Variants in ZNF491 observed in about 807,000 individuals in gnomAD.
ZNF491 encodes the protein zinc finger protein 491.
ZNF491 carries 22 observed loss-of-function variants against 34.7 expected under a neutral mutation model. The observed-to-expected ratio is 0.63, with a 90% CI of 0.45 to 0.90. The LOEUF (loss-of-function observed/expected upper bound fraction) is 0.90. Ranked by LOEUF, ZNF491 falls within the 40% of genes least tolerant of loss-of-function variation. The pLI is 0.00. For missense variants in ZNF491, 559 were observed against 531.7 expected (o/e 1.05, Z -0.51); for synonymous variants, 148 against 174.3 (o/e 0.85, Z 1.19).
chr19:11,806,076 A>G lies in ZNF491; in HGVS notation c.123A>G (p.Thr41=), dbSNP rs1432926684. The change falls in exon 3 of 3, where the codon ACA becomes ACG. Residue 41 remains threonine (T), a synonymous_variant. Coordinates refer to ENST00000323169, the MANE Select transcript of ZNF491 (RefSeq NM_152356.4). ...LPGVKSCESG[T]CGEIFMGYSS... Reference sequence around the variant, plus strand: ...GAGTAAAATCATGTGAAAGTGGTACATGTGGAGAAATCTTCATGGGATATT... The same window carrying G: ...GAGTAAAATCATGTGAAAGTGGTACGTGTGGAGAAATCTTCATGGGATATT... The G allele has an allele frequency of 2.5e-6, 4 of 1,613,886 alleles. No individual in the cohort carries two copies. Among genetic ancestry groups the G allele is most frequent in the African/African-American group, 2.7e-5 (2 of 74,940 alleles).
chr19:11,800,973 G>A (rs539555979), intron 1 of ZNF491, among the ~76,000 whole-genome samples: 1 of 152,034 alleles, frequency 6.6e-6, no homozygotes, highest in Admixed American at 6.5e-5. Context: ...GAAGATCCAA[G>A]GCTGCAGTGA....
At chr19:11,801,693 A>T (rs1271816315) in intron 1 of ZNF491, among the ~76,000 whole-genome samples, 2 of 152,188 alleles carry the variant, frequency 1.3e-5, no homozygotes, top group Non-Finnish European at 2.9e-5. Flanking sequence ...AAAAACCTTA[A>T]AAATTTTACT....
Position 11,805,960 on chromosome 19 carries a change from G to A in ZNF491, c.7G>A (p.Glu3Lys). MG[E>K]RLFESAEGSQ... ...CATTTTTCACAGAAATTTTATGGGAGAGAGACTCTTTGAGAGTGCAGAAGG... is the reference window on the plus strand; with the variant it reads ...CATTTTTCACAGAAATTTTATGGGAAAGAGACTCTTTGAGAGTGCAGAAGG... The change falls in exon 3 of 3, where the codon GAG becomes AAG. Residue 3 changes from glutamate to lysine, a missense_variant. Coordinates refer to ENST00000323169, the MANE Select transcript of ZNF491 (RefSeq NM_152356.4). 1 of 1,565,168 alleles carries A rather than the reference G, an allele frequency of 6.4e-7. No homozygotes were observed.
At position 11,806,643 on chromosome 19, in the gene ZNF491, T is replaced by C. The variant is rs1477276317; in HGVS notation, c.690T>C (p.Phe230=). Residue 230 remains phenylalanine, a synonymous_variant, in exon 3 of 3, where the codon TTT becomes TTC. Coordinates refer to ENST00000323169, the MANE Select transcript of ZNF491 (RefSeq NM_152356.4). ...CGKAFNCPSS[F]HRHERTHTGE... ...AAGCCTTCAATTGTCCCAGTTCTTT[T>C]CACAGGCATGAAAGGACTCACACAG... is the stretch of plus-strand genomic sequence containing the variant. 6.2e-7 allele frequency: 1 copy of C among 1,613,682 alleles called. No individual in the cohort carries two copies. The highest frequency in any genetic ancestry group is 8.5e-7 in the Non-Finnish European group (1 of 1,179,902).
Position 11,806,258 on chromosome 19 carries a change from C to T in ZNF491, c.305C>T (p.Pro102Leu). The T allele has an allele frequency of 1.9e-6, 3 of 1,607,958 alleles. No homozygotes were observed. The highest frequency in any genetic ancestry group is 2.5e-6 in the Non-Finnish European group (3 of 1,178,502). ...THERPHTREK[P>L]FDCKECEKSF... is the part of the protein sequence containing the mutation. Reference sequence around the variant, plus strand: ...GAAAGGCCTCACACTAGAGAGAAACCTTTTGATTGTAAGGAATGTGAAAAA... The same window carrying T: ...GAAAGGCCTCACACTAGAGAGAAACTTTTTGATTGTAAGGAATGTGAAAAA... Residue 102 changes from proline (P) to leucine (L), a missense_variant, in exon 3 of 3, where the codon CCT (proline) becomes CTT (leucine). Pro to Leu is a moderately conservative substitution (Grantham distance 98). Coordinates refer to ENST00000323169, the MANE Select transcript of ZNF491 (RefSeq NM_152356.4).
In ZNF491 at chr19:11,806,536, T is replaced by C. The variant is rs748988668; in HGVS notation, c.583T>C (p.Ser195Pro). The C allele has an allele frequency of 6.2e-7, 1 of 1,613,228 alleles. No individual in the cohort carries two copies. The highest frequency in any genetic ancestry group is 8.5e-7 in the Non-Finnish European group (1 of 1,179,798). The change falls in exon 3 of 3, where the codon TCA (serine) becomes CCA (proline). Residue 195 changes from serine to proline, a missense_variant. Coordinates refer to ENST00000323169, the MANE Select transcript of ZNF491 (RefSeq NM_152356.4). ...ATATGAATGTAAGGAGTGTGGGAAA[T>C]CATTCAATTTTTCCAGTTCCTTTCG... Reference protein sequence around the residue: ...KPYECKECGKSFNFSSSFRRH... With the variant: ...KPYECKECGKPFNFSSSFRRH...
Position 11,798,769 on chromosome 19 carries a change from C to T in ZNF491, c.-134+42C>T, listed in dbSNP as rs925964908. ...AGCGTCCAGATACGTGGAAGAGGGGCTGGGTGGAACCAACAGGATCCTGCT... is the reference window on the plus strand; with the variant it reads ...AGCGTCCAGATACGTGGAAGAGGGGTTGGGTGGAACCAACAGGATCCTGCT... On this transcript the variant is annotated intron_variant, in intron 1 of 2. Transcript: ENST00000323169. The surrounding 1 kb of genome is among the most constrained non-coding windows in gnomAD (Gnocchi z 4.0). 1 of 152,366 alleles carries T rather than the reference C, an allele frequency of 6.6e-6. No individual in the cohort carries two copies. Among genetic ancestry groups the T allele is most frequent in the Non-Finnish European group, 1.5e-5 (1 of 68,144 alleles). 9.4% of individuals were successfully genotyped at this position (152,366 alleles called of 1,614,324 possible).
chr19:11,800,529 T>C (rs539084122), intron 1 of ZNF491, among the ~76,000 whole-genome samples: 1 of 150,372 alleles, frequency 6.7e-6, no homozygotes, highest in East Asian at 2.0e-4. Context: ...TTTTTTTTTT[T>C]TTTTTTTGAG....
intron 1 of ZNF491, among the ~76,000 whole-genome samples, chr19:11,803,157 A>AT (rs1975574059): frequency 6.6e-6 from 1 of 151,572 alleles, no homozygotes; most frequent in Admixed American, 6.6e-5. Flanking sequence ...TAATTTTTGT[A>AT]TTTTTAGTAG....
intron 1 of ZNF491, among the ~76,000 whole-genome samples, chr19:11,799,502 C>CTT (rs34472985): frequency 0.29 from 31,435 of 108,816 alleles, 6,785 homozygotes; most frequent in African/African-American, 0.61. Flanking sequence ...CCCCATAGAG[C>CTT]TTTTTTTTTT....
rs767558766 is a variant in ZNF491 at position 11,807,109 on chromosome 19, A to G, written c.1156A>G (p.Lys386Glu). 6.2e-7 allele frequency: 1 copy of G among 1,612,068 alleles called. No homozygotes were observed. The change falls in exon 3 of 3, where the codon AAG becomes GAG. Residue 386 changes from lysine to glutamate, a missense_variant. Physicochemically the swap from Lys to Glu is moderately conservative, Grantham distance 56. Transcript: ENST00000323169. ...CGCTGGAGAAAAACCTTATGAATGT[A>G]AGCATTGTGGGAAAGCCTTCACTTG... ...THAGEKPYECKHCGKAFTCSI... is the reference protein window; with the variant it reads ...THAGEKPYECEHCGKAFTCSI...
At chr19:11,804,992 A>G (rs1374718404) in intron 2 of ZNF491, among the ~76,000 whole-genome samples, 4 of 152,264 alleles carry the variant, frequency 2.6e-5, no homozygotes, top group Non-Finnish European at 4.4e-5. Flanking sequence ...GTTAAAAAGA[A>G]GCCAACAAAA....
Position 11,806,608 on chromosome 19 carries a change from G to A in ZNF491, c.655G>A (p.Glu219Lys). The change falls in exon 3 of 3, where the codon GAA becomes AAA. Residue 219 changes from glutamate (E) to lysine (K), a missense_variant. By Grantham distance (56) the Glu-to-Lys change is moderately conservative. Coordinates refer to ENST00000323169, the MANE Select transcript of ZNF491 (RefSeq NM_152356.4). ...HTGEKPYKCK[E>K]CGKAFNCPSS... is the part of the protein sequence containing the mutation. ...AGGAGAGAAGCCGTACAAATGTAAG[G>A]AATGTGGGAAAGCCTTCAATTGTCC... 6.2e-7 allele frequency: 1 copy of A among 1,613,958 alleles called. No homozygotes were observed. The highest frequency in any genetic ancestry group is 8.5e-7 in the Non-Finnish European group (1 of 1,179,982).
At chr19:11,803,566 A>G (rs537478124) in intron 1 of ZNF491, among the ~76,000 whole-genome samples, 2 of 152,190 alleles carry the variant, frequency 1.3e-5, no homozygotes, top group South Asian at 4.1e-4. Flanking sequence ...ACAATTTCTC[A>G]GTCTTCCCTT....
chr19:11,805,741 G>A (rs1975602678), intron 2 of ZNF491, among the ~76,000 whole-genome samples: 1 of 152,102 alleles, frequency 6.6e-6, no homozygotes, highest in African/African-American at 2.4e-5. Context: ...AACTTTCTGG[G>A]GAGTCTGAGG....
chr19:11,800,810 C>A (rs1270817374), intron 1 of ZNF491, among the ~76,000 whole-genome samples: 1 of 151,272 alleles, frequency 6.6e-6, no homozygotes. Context: ...ATTGCTTGAG[C>A]CTAGGAGTTC....
rs952705925 is a variant in ZNF491 at position 11,804,583 on chromosome 19, G to C, written c.-92G>C. 1 of 1,553,178 alleles carries C rather than the reference G, an allele frequency of 6.4e-7. No individual in the cohort carries two copies. The highest frequency in any genetic ancestry group is 2.0e-5 in the Admixed American group (1 of 49,538). On this transcript the variant is annotated 5_prime_UTR_variant, in exon 2 of 3. Coordinates refer to ENST00000323169, the MANE Select transcript of ZNF491 (RefSeq NM_152356.4). ...AGGATGTGGCTGTGAACTTCACCCA[G>C]GAGGAGTGGGCCTTGTTGAATCCTT...
In ZNF491 at chr19:11,806,845, C is replaced by T; in HGVS notation, c.892C>T (p.Pro298Ser). 6.2e-7 allele frequency: 1 copy of T among 1,609,286 alleles called. No homozygotes were observed. ...TGAAAGAAGTCACACTGGAGAGAAA[C>T]CCTACAAATGCAAGCAATGTGGGAA... The part of the protein sequence containing the change: ...RHERSHTGEK[P>S]YKCKQCGKAF... Residue 298 changes from proline to serine, a missense_variant, in exon 3 of 3, where the codon CCC becomes TCC. Transcript: ENST00000323169.
chr19:11,805,251 A>G (rs1975596037), intron 2 of ZNF491, among the ~76,000 whole-genome samples: 1 of 151,950 alleles, frequency 6.6e-6, no homozygotes, highest in Non-Finnish European at 1.5e-5. Context: ...CGCTAGTAAA[A>G]GTATAAAATT....
Sources: gnomAD v4.1 joint callset for allele counts (sites outside exome capture counted in the v4.1 genomes callset) on GRCh38, gnomAD v4.1.1 for gene constraint, Gnocchi (gnomAD v3.1) non-coding constraint, MANE v1.5 for transcripts, NCBI Gene and HGNC (gene_info 2026-07-23, HGNC 2026-07-21) for gene names.